DHRS3: variants seen among roughly 807,000 people sequenced by gnomAD.
DHRS3 encodes short-chain dehydrogenase/reductase 3.
DHRS3 carries 14 observed loss-of-function variants against 27.2 expected under a neutral mutation model. The ratio of observed to expected loss-of-function variants is 0.52; its 90% CI spans 0.34 to 0.81. The LOEUF (loss-of-function observed/expected upper bound fraction) is 0.81, where lower values mean the gene tolerates loss of function less well. Among genes scored for constraint, DHRS3 ranks in the 30% least tolerant of loss-of-function variants. The probability of loss-of-function intolerance (pLI) is 0.01; values close to 1 mark genes in which losing one functional copy is unlikely to be tolerated. For synonymous variants in DHRS3, 165 were observed against 175.9 expected, an observed-to-expected ratio of 0.94 and a Z score of 0.49; for missense variants, 322 against 406.2, an observed-to-expected ratio of 0.79 and a Z score of 1.78.
At chr1:12,569,229 T>TCACACACACACACACACACA (rs1557509306) in intron 5 of DHRS3, among the ~76,000 whole-genome samples, 4 of 140,264 alleles carry the variant, frequency 2.9e-5, no homozygotes, top group African/African-American at 1.1e-4. Context: ...TCTCTCTCTC[T>TCACACACACACACACACACA]CTCACACACA....
At chr1:12,616,931 C>G in intron 1 of DHRS3, 1 of 864,426 alleles carries the variant, frequency 1.2e-6, no homozygotes, top group South Asian at 1.9e-5. Flanking sequence ...AGCCAGCCAC[C>G]GATCCCAAAG....
At chr1:12,614,702 C>CT (rs70987260) in intron 1 of DHRS3, among the ~76,000 whole-genome samples, 2,767 of 92,660 alleles carry the variant, frequency 0.03, 157 homozygotes, top group African/African-American at 0.074. Context: ...CTCTGGTACA[C>CT]TTTTTTTTTT....
chr1:12,589,036 G>A (rs1017864500), intron 1 of DHRS3, among the ~76,000 whole-genome samples: 20 of 152,352 alleles, frequency 1.3e-4, no homozygotes, highest in Middle Eastern at 6.8e-3. Flanking sequence ...AGGGTGCACA[G>A]CTCTCTGCTC....
intron 4 of DHRS3, 152 bp from the exon 5 acceptor site, chr1:12,573,005 C>T: frequency 1.0e-6 from 1 of 980,002 alleles, no homozygotes; most frequent in Non-Finnish European, 1.4e-6. Flanking sequence ...ACCCCACACC[C>T]ATCCAGGTGC....
At chr1:12,598,391 C>CA (rs56007006) in intron 1 of DHRS3, among the ~76,000 whole-genome samples, 4,987 of 150,732 alleles carry the variant, frequency 0.033, 276 homozygotes, top group African/African-American at 0.11. Context: ...TAAAATAAAA[C>CA]AAAAAAAAAT....
chr1:12,606,247 T>C (rs941516555), intron 1 of DHRS3, among the ~76,000 whole-genome samples: 2 of 137,942 alleles, frequency 1.4e-5, no homozygotes, highest in Non-Finnish European at 3.1e-5. Flanking sequence ...ACCATCCACA[T>C]CAAATTAGAA....
At chr1:12,614,115 C>T (rs374739782) in intron 1 of DHRS3, among the ~76,000 whole-genome samples, 3 of 152,230 alleles carry the variant, frequency 2.0e-5, no homozygotes, top group African/African-American at 7.2e-5. Context: ...ACGTATGTTG[C>T]CCCACCTCCC....
At chr1:12,602,626 C>T (rs1646843290) in intron 1 of DHRS3, among the ~76,000 whole-genome samples, 1 of 152,220 alleles carries the variant, frequency 6.6e-6, no homozygotes, top group South Asian at 2.1e-4. Flanking sequence ...AGGGCCATTG[C>T]CCCACCTGGA....
chr1:12,575,721 T>A (rs913761135), intron 4 of DHRS3, among the ~76,000 whole-genome samples: 12 of 150,958 alleles, frequency 7.9e-5, no homozygotes, highest in Admixed American at 2.0e-4. Flanking sequence ...TATTATTCAT[T>A]TTTGAGGTGG....
At chr1:12,569,231 T>TCTCACACACACACACACACA (rs1557509331) in intron 5 of DHRS3, among the ~76,000 whole-genome samples, 1 of 110,480 alleles carries the variant, frequency 9.1e-6, no homozygotes, top group East Asian at 2.1e-4. Context: ...TCTCTCTCTC[T>TCTCACACACACACACACACA]CACACACACA....
chr1:12,610,024 T>C (rs1646896519), intron 1 of DHRS3, among the ~76,000 whole-genome samples: 2 of 152,162 alleles, frequency 1.3e-5, no homozygotes, highest in South Asian at 4.1e-4. Context: ...CCATCCTTCT[T>C]GCCTCATTGG....
At position 12,591,628 on chromosome 1, in the gene DHRS3, G is replaced by C. The variant is rs1445748917; in HGVS notation, c.196-10962C>G. On this transcript the variant is annotated intron_variant, in intron 1 of 5. Coordinates refer to ENST00000616661, the MANE Select transcript of DHRS3 (RefSeq NM_004753.7). The surrounding 1 kb of genome is among the most constrained non-coding windows in gnomAD (Gnocchi z 4.1). ...TAGCTGGCCACACTGCCTCAGCATG[G>C]GTGCCGTGGGGCGTCTAGTCCTCTG... 6.6e-6 allele frequency among the ~76,000 whole-genome samples: 1 copy of C among 152,224 alleles called. No homozygotes were observed. The highest frequency in any genetic ancestry group is 1.5e-5 in the Non-Finnish European group (1 of 68,038).
At position 12,608,861 on chromosome 1, in the gene DHRS3, T is replaced by C. The variant is rs1382893778; in HGVS notation, c.195+8293A>G. Among the ~76,000 whole-genome samples the C allele has an allele frequency of 3.9e-5, 6 of 152,130 alleles. No homozygotes were observed. Among genetic ancestry groups the C allele is most frequent in the African/African-American group, 1.2e-4 (5 of 41,424 alleles). ...CTGGAATGCAGCTGATACCCTCTCT[T>C]GCCTCTTAAGCAGTCAACTATACTC... On this transcript the variant is annotated intron_variant, in intron 1 of 5. Transcript: ENST00000616661. This position sits in a 1 kb window ranked among gnomAD's most constrained non-coding sequence, Gnocchi z 4.1.
intron 1 of DHRS3, among the ~76,000 whole-genome samples, chr1:12,609,312 C>T (rs1320233957): frequency 6.6e-6 from 1 of 151,886 alleles, no homozygotes; most frequent in Non-Finnish European, 1.5e-5. Context: ...AGCCGTGTCA[C>T]CCTGAAGCTG....
intron 4 of DHRS3, among the ~76,000 whole-genome samples, chr1:12,573,666 AT>A (rs1479371422): frequency 6.6e-6 from 1 of 152,200 alleles, no homozygotes; most frequent in Non-Finnish European, 1.5e-5. Context: ...TCACTGATTC[AT>A]TGATTCAAAG....
intron 1 of DHRS3, among the ~76,000 whole-genome samples, chr1:12,601,687 C>A (rs767154510): frequency 6.6e-6 from 1 of 152,158 alleles, no homozygotes; most frequent in Admixed American, 6.5e-5. Context: ...CCATCTCTTC[C>A]GTGAAACTAT....
At chr1:12,599,256 C>A (rs527480708) in intron 1 of DHRS3, among the ~76,000 whole-genome samples, 1 of 152,338 alleles carries the variant, frequency 6.6e-6, no homozygotes, top group Admixed American at 6.5e-5. Flanking sequence ...TCAGAGGAAG[C>A]GGGACATTCA....
At chr1:12,568,571 C>T in intron 5 of DHRS3, 147 bp from the exon 6 acceptor site, 3 of 699,042 alleles carry the variant, frequency 4.3e-6, no homozygotes, top group Non-Finnish European at 7.5e-6. Context: ...CCAGTTTCTC[C>T]CCAAACCCCC....
At chr1:12,609,624 G>A (rs530203172) in intron 1 of DHRS3, among the ~76,000 whole-genome samples, 20 of 152,314 alleles carry the variant, frequency 1.3e-4, no homozygotes, top group South Asian at 4.1e-4. Context: ...ATTTTTGGAG[G>A]AGGCATGGAA....
Sources: allele counts gnomAD v4.1 joint callset (sites outside exome capture counted in the v4.1 genomes callset), GRCh38; gene constraint gnomAD v4.1.1; non-coding constraint Gnocchi (gnomAD v3.1); transcripts MANE v1.5; gene names NCBI Gene and HGNC (gene_info 2026-07-23, HGNC 2026-07-21).